The following PPP2R3A variants were observed in gnomAD, a reference collection of about 807,000 sequenced individuals.
PPP2R3A encodes the protein protein phosphatase 2 regulatory subunit B''alpha.
In PPP2R3A, 80 loss-of-function variants were observed where a neutral mutation model predicts 106.9. The ratio of observed to expected loss-of-function variants is 0.75; its 90% CI spans 0.62 to 0.90. PPP2R3A has a LOEUF of 0.90. Ranked by LOEUF, PPP2R3A falls within the 40% of genes least tolerant of loss-of-function variation. PPP2R3A has a pLI of 0.00. For missense variants in PPP2R3A, 1,386 were observed against 1,350.4 expected, an observed-to-expected ratio of 1.03 and a Z score of -0.41; for synonymous variants, 483 against 468.3, an observed-to-expected ratio of 1.03 and a Z score of -0.41.
chr3:135,970,769 A>G lies in PPP2R3A; in HGVS notation c.-441+4920A>G, dbSNP rs188652993. Among the ~76,000 whole-genome samples the G allele has an allele frequency of 6.3e-4, 96 of 152,292 alleles. 3 individuals are homozygous for G. In the South Asian group the frequency reaches 0.019, roughly 30 times the overall value. ...CAATGTAGGTGTTAGTCTGTTGGTTACTCAAACATTTCTCCTAACTTTTTA... is the reference window on the plus strand; with the variant it reads ...CAATGTAGGTGTTAGTCTGTTGGTTGCTCAAACATTTCTCCTAACTTTTTA... On this transcript the variant is annotated intron_variant, in intron 1 of 13. Transcript: ENST00000264977.
chr3:136,008,672 C>G (rs1173661294), intron 2 of PPP2R3A, among the ~76,000 whole-genome samples: 1 of 152,104 alleles, frequency 6.6e-6, no homozygotes, highest in East Asian at 1.9e-4. Flanking sequence ...TTTATGCACA[C>G]AAAGTTTGGG....
chr3:136,074,091 T>C (rs1936524413), intron 6 of PPP2R3A, among the ~76,000 whole-genome samples: 1 of 152,206 alleles, frequency 6.6e-6, no homozygotes, highest in Non-Finnish European at 1.5e-5. Flanking sequence ...GCATACAGTA[T>C]AGAAGAACAA....
chr3:136,014,685 T>G (rs1229090443), intron 2 of PPP2R3A, among the ~76,000 whole-genome samples: 4 of 152,206 alleles, frequency 2.6e-5, no homozygotes, highest in Non-Finnish European at 4.4e-5. Flanking sequence ...TTTTATATCC[T>G]GAAACTTGAC....
At position 136,108,825 on chromosome 3, in the gene PPP2R3A, A is replaced by G. The variant is rs78273466; in HGVS notation, c.3329+2503A>G. On this transcript the variant is annotated intron_variant, in intron 13 of 13. Transcript: ENST00000264977. ...ATGAAACAATGTTTGCAACTTCCTC[A>G]GAGAAAGAAGCTCTATACCCAAGAA... 1.5e-3 allele frequency among the ~76,000 whole-genome samples: 223 copies of G among 152,318 alleles called. 6 individuals carry two copies. The East Asian group carries it at 0.039, about 27-fold the overall frequency.
chr3:136,091,943 C>T (rs1937102063), intron 10 of PPP2R3A, among the ~76,000 whole-genome samples: 1 of 152,024 alleles, frequency 6.6e-6, no homozygotes, highest in Non-Finnish European at 1.5e-5. Context: ...GTTACACTTA[C>T]CAGTGAGCAT....
At chr3:136,029,389 A>G (rs1169892735) in intron 3 of PPP2R3A, among the ~76,000 whole-genome samples, 1 of 152,058 alleles carries the variant, frequency 6.6e-6, no homozygotes, top group African/African-American at 2.4e-5. Context: ...TTCCTGTGGC[A>G]TGGTAGCCCT....
chr3:136,134,536 A>G (rs1284632111), intron 13 of PPP2R3A, among the ~76,000 whole-genome samples: 2 of 152,222 alleles, frequency 1.3e-5, no homozygotes, highest in Non-Finnish European at 2.9e-5. Context: ...TTTTAATTTC[A>G]TAGAAAAATC....
intron 5 of PPP2R3A, among the ~76,000 whole-genome samples, chr3:136,068,300 A>G (rs908416333): frequency 6.6e-6 from 1 of 152,148 alleles, no homozygotes; most frequent in African/African-American, 2.4e-5. Flanking sequence ...CAAAATGATG[A>G]TAGTATAGGA....
At position 136,098,564 on chromosome 3, in the gene PPP2R3A, C is replaced by T. The variant is rs552889046; in HGVS notation, c.2928-3443C>T. 9.8e-5 allele frequency among the ~76,000 whole-genome samples: 15 copies of T among 152,298 alleles called. No homozygotes were observed. The East Asian group carries it at 2.7e-3, about 27-fold the overall frequency. On this transcript the variant is annotated intron_variant, in intron 10 of 13. Coordinates refer to ENST00000264977, the MANE Select transcript of PPP2R3A (RefSeq NM_002718.5). ...AATTTGAACAGCGGTCTCCTAGAAC[C>T]TTCTCTTGAAAAGTTTTACTTTGCC...
chr3:136,056,515 A>G (rs1463194104), intron 5 of PPP2R3A, among the ~76,000 whole-genome samples: 1 of 152,116 alleles, frequency 6.6e-6, no homozygotes, highest in Non-Finnish European at 1.5e-5. Flanking sequence ...AAAAAGTACT[A>G]TATTAAGGAA....
Position 136,087,417 on chromosome 3 carries a change from G to A in PPP2R3A, c.2789-466G>A, listed in dbSNP as rs189411803. ...GGGCTTTTATAAAATGGGAATATAA[G>A]AAAAGTATGTTTGTAGTGTGTTTGA... On this transcript the variant is annotated intron_variant, in intron 8 of 13. Transcript: ENST00000264977. The A allele has an allele frequency of 9.9e-4, 147 of 148,522 alleles. 1 individual carries two copies. Among genetic ancestry groups the A allele is most frequent in the African/African-American group, 3.8e-3 (143 of 37,970 alleles). The allele number at this position is 148,522 out of a possible 1,614,324, so 9.2% of individuals were successfully genotyped here. A position where few individuals can be genotyped will look rare whatever the true frequency, so the allele number is the denominator to read the frequency against.
At chr3:136,087,395 C>T (rs888384309) in intron 8 of PPP2R3A, 3 of 151,448 alleles carry the variant, frequency 2.0e-5, no homozygotes, top group Admixed American at 2.0e-4. Context: ...AAACCCTGGG[C>T]TTTTATAAAA....
At chr3:136,137,373 T>G (rs1242591500) in intron 13 of PPP2R3A, among the ~76,000 whole-genome samples, 3 of 152,012 alleles carry the variant, frequency 2.0e-5, no homozygotes, top group Non-Finnish European at 2.9e-5. Context: ...TACTAATGTG[T>G]TCAAAAACAG....
chr3:136,085,554 A>G (rs1200488139), intron 8 of PPP2R3A, among the ~76,000 whole-genome samples: 1 of 151,912 alleles, frequency 6.6e-6, no homozygotes, highest in African/African-American at 2.4e-5. Flanking sequence ...TGCTAGGATT[A>G]CAGGCATGAT....
At chr3:136,057,726 G>A (rs11918906) in intron 5 of PPP2R3A, among the ~76,000 whole-genome samples, 3,554 of 152,094 alleles carry the variant, frequency 0.023, 136 homozygotes, top group African/African-American at 0.081. Context: ...TCAGAGAAAA[G>A]CAAATTAAAA....
chr3:135,981,789 G>A (rs1208051583), intron 1 of PPP2R3A, among the ~76,000 whole-genome samples: 1 of 151,792 alleles, frequency 6.6e-6, no homozygotes, highest in African/African-American at 2.4e-5. Flanking sequence ...GGCCAGGGTC[G>A]AGGGAGAGGA....
rs1015662453 is a variant in PPP2R3A at position 136,090,565 on chromosome 3, G to A, written c.2838-13G>A. ...ATTGCTCAGGAAATTTTATAACCAT[G>A]TGTTTTCTTTAGGGGAAAAACAATA... is the stretch of plus-strand genomic sequence containing the variant. On this transcript the variant is annotated splice_polypyrimidine_tract_variant and intron_variant, in intron 9 of 13. Coordinates refer to ENST00000264977, the MANE Select transcript of PPP2R3A (RefSeq NM_002718.5). 1 of 1,603,024 alleles carries A rather than the reference G, an allele frequency of 6.2e-7. No homozygotes were observed. The highest frequency in any genetic ancestry group is 8.5e-7 in the Non-Finnish European group (1 of 1,170,448).
intron 5 of PPP2R3A, among the ~76,000 whole-genome samples, chr3:136,050,882 A>G (rs1459584167): frequency 6.6e-6 from 1 of 152,024 alleles, no homozygotes; most frequent in Non-Finnish European, 1.5e-5. Context: ...TGACCTCAAA[A>G]TCTTCATGGC....
intron 3 of PPP2R3A, among the ~76,000 whole-genome samples, chr3:136,028,825 T>C (rs1316161820): frequency 6.6e-6 from 1 of 152,062 alleles, no homozygotes; most frequent in East Asian, 1.9e-4. Flanking sequence ...ACAGGGTTGT[T>C]GTTGTTGTTT....
Sources: allele counts gnomAD v4.1 joint callset (sites outside exome capture counted in the v4.1 genomes callset), GRCh38; gene constraint gnomAD v4.1.1; transcripts MANE v1.5; gene names NCBI Gene and HGNC (gene_info 2026-07-23, HGNC 2026-07-21).